The following ANKS1B variants were observed in gnomAD, a reference collection of about 807,000 sequenced individuals.
The protein encoded by ANKS1B is ankyrin repeat and sterile alpha motif domain containing 1B.
ANKS1B carries 36 observed loss-of-function variants against 148.3 expected under a neutral mutation model. The ratio of observed to expected loss-of-function variants is 0.24; its 90% CI spans 0.19 to 0.32. ANKS1B has a LOEUF of 0.32. Among genes scored for constraint, ANKS1B ranks in the 10% least tolerant of loss-of-function variants. ANKS1B has a pLI of 1.00. For missense variants in ANKS1B, 1,157 were observed against 1,542.6 expected (o/e 0.75, Z 4.19); for synonymous variants, 542 against 560.8 (o/e 0.97, Z 0.47).
chr12:99,380,806 T>TTCCTTCCTTC (rs2093614871), intron 12 of ANKS1B, among the ~76,000 whole-genome samples: 1 of 147,254 alleles, frequency 6.8e-6, no homozygotes, highest in African/African-American at 2.6e-5. Flanking sequence ...CCTTCCTTTC[T>TTCCTTCCTTC]CATGCTCCAC....
At chr12:98,939,451 A>AT (rs56217727) in intron 17 of ANKS1B, among the ~76,000 whole-genome samples, 1 of 152,258 alleles carries the variant, frequency 6.6e-6, no homozygotes, top group African/African-American at 2.4e-5. Context: ...ATTGCGGTTA[A>AT]TTTTTTTAAG....
At position 98,745,865 on chromosome 12, in the gene ANKS1B, G is replaced by GCAT; in HGVS notation, c.3748-17_3748-16insATG. ...GGTCGATCTGCTTTAAAACAGAAAG[G>GCAT]CTGATGCCTGTTATACGGTCGCCGC... On this transcript the variant is annotated splice_polypyrimidine_tract_variant and intron_variant, in intron 26 of 26. Coordinates refer to ENST00000683438, the MANE Select transcript of ANKS1B (RefSeq NM_001352186.2). 2.5e-6 allele frequency: 4 copies of GCAT among 1,609,388 alleles called. No homozygotes were observed. Among genetic ancestry groups the GCAT allele is most frequent in the Non-Finnish European group, 3.4e-6 (4 of 1,177,960 alleles).
At chr12:99,656,066 C>T (rs2098448409) in intron 8 of ANKS1B, among the ~76,000 whole-genome samples, 1 of 152,042 alleles carries the variant, frequency 6.6e-6, no homozygotes, top group African/African-American at 2.4e-5. Flanking sequence ...TAAATCTTTA[C>T]CACTGGCAAG....
chr12:99,187,876 C>CA (rs1039906800), intron 14 of ANKS1B, among the ~76,000 whole-genome samples: 13 of 152,176 alleles, frequency 8.5e-5, no homozygotes, highest in African/African-American at 2.9e-4. Context: ...CTAAATGACC[C>CA]AATTAAAAGA....
At chr12:99,596,792 G>C (rs915088509) in intron 9 of ANKS1B, among the ~76,000 whole-genome samples, 1 of 151,834 alleles carries the variant, frequency 6.6e-6, no homozygotes, top group Non-Finnish European at 1.5e-5. Context: ...TACTCATGTA[G>C]GTCTTTAATT....
At position 99,815,905 on chromosome 12, in the gene ANKS1B, G is replaced by A. The variant is rs75935951; in HGVS notation, c.216-3594C>T. Among the ~76,000 whole-genome samples, 408 of 151,860 alleles carry A rather than the reference G, an allele frequency of 2.7e-3. 1 individual carries two copies. Among genetic ancestry groups the A allele is most frequent in the African/African-American group, 8.8e-3 (365 of 41,486 alleles). On this transcript the variant is annotated intron_variant, in intron 2 of 26. Transcript: ENST00000683438. ...TATCCACTCATTGGCACTTAGGTTGGTTCCATATCCTTGCAAATGCAAATT... is the reference window on the plus strand; with the variant it reads ...TATCCACTCATTGGCACTTAGGTTGATTCCATATCCTTGCAAATGCAAATT...
intron 16 of ANKS1B, among the ~76,000 whole-genome samples, chr12:99,075,103 T>C (rs866220823): frequency 7.9e-5 from 12 of 152,206 alleles, no homozygotes; most frequent in Non-Finnish European, 1.5e-4. Context: ...ATGATGTTTC[T>C]GGCACAGAAT....
chr12:99,176,822 G>A (rs2087745), intron 14 of ANKS1B, among the ~76,000 whole-genome samples: 44,491 of 151,776 alleles, frequency 0.29, 7,968 homozygotes, highest in East Asian at 0.52. Context: ...ATCAATAAAG[G>A]CTCCCTGAGA....
chr12:99,894,483 T>A (rs1461671988), intron 1 of ANKS1B, among the ~76,000 whole-genome samples: 1 of 131,466 alleles, frequency 7.6e-6, no homozygotes, highest in Admixed American at 9.1e-5. Flanking sequence ...CACTCCAGCC[T>A]GAGCAACAGA....
intron 15 of ANKS1B, among the ~76,000 whole-genome samples, chr12:99,146,559 C>T (rs372287056): frequency 6.6e-6 from 1 of 152,096 alleles, no homozygotes; most frequent in Non-Finnish European, 1.5e-5. Flanking sequence ...ATACTCTAGT[C>T]GGCTTGGTTA....
intron 22 of ANKS1B, among the ~76,000 whole-genome samples, chr12:98,788,973 G>A (rs943862480): frequency 1.8e-4 from 28 of 152,294 alleles, no homozygotes; most frequent in African/African-American, 6.3e-4. Context: ...GTTTCTCAGG[G>A]ACTGTGAATG....
rs532919962 is a variant in ANKS1B at position 99,657,558 on chromosome 12, A to C, written c.1129-2348T>G. Reference sequence around the variant, plus strand: ...ACACACTTCTCAAATCAATAATAGAAGGTGATTATCACAGGGATTTTTGAC... The same window carrying C: ...ACACACTTCTCAAATCAATAATAGACGGTGATTATCACAGGGATTTTTGAC... On this transcript the variant is annotated intron_variant, in intron 8 of 26. Transcript: ENST00000683438. Among the ~76,000 whole-genome samples the C allele has an allele frequency of 3.3e-5, 5 of 151,982 alleles. No individual in the cohort carries two copies. In the East Asian group the frequency reaches 9.7e-4, roughly 29 times the overall value.
intron 12 of ANKS1B, among the ~76,000 whole-genome samples, chr12:99,305,529 A>G (rs1274670304): frequency 1.3e-5 from 2 of 152,114 alleles, no homozygotes; most frequent in African/African-American, 4.8e-5. Flanking sequence ...GGTTCTTTAC[A>G]GTTACAAGGA....
chr12:99,749,293 C>T (rs1000727172), intron 8 of ANKS1B, among the ~76,000 whole-genome samples: 7 of 152,126 alleles, frequency 4.6e-5, no homozygotes, highest in East Asian at 3.9e-4. Context: ...GGGAAAGAAG[C>T]GCTTTTGGCC....
intron 12 of ANKS1B, among the ~76,000 whole-genome samples, chr12:99,283,912 A>G (rs2078788272): frequency 1.3e-5 from 2 of 152,196 alleles, no homozygotes; most frequent in Admixed American, 1.3e-4. Context: ...TTACCACTGA[A>G]TACTTATTGA....
intron 17 of ANKS1B, among the ~76,000 whole-genome samples, chr12:98,903,298 T>C (rs2099774659): frequency 6.6e-6 from 1 of 152,110 alleles, no homozygotes; most frequent in Non-Finnish European, 1.5e-5. Flanking sequence ...CACTTAGCTA[T>C]GAAATCCTAG....
intron 9 of ANKS1B, among the ~76,000 whole-genome samples, chr12:99,586,794 A>G (rs1476216176): frequency 2.6e-5 from 4 of 152,152 alleles, no homozygotes; most frequent in Non-Finnish European, 5.9e-5. Context: ...GCAGGCAAAG[A>G]GTATGTGCGG....
chr12:98,987,762 T>C (rs183298208), intron 17 of ANKS1B, among the ~76,000 whole-genome samples: 1 of 152,220 alleles, frequency 6.6e-6, no homozygotes, highest in Admixed American at 6.5e-5. Flanking sequence ...AGAACTAAAG[T>C]TGTAAAAAGA....
chr12:98,741,081 G>A (rs1312909077), downstream of ANKS1B, among the ~76,000 whole-genome samples: 1 of 152,148 alleles, frequency 6.6e-6, no homozygotes, highest in Non-Finnish European at 1.5e-5. Context: ...CATGTTACAT[G>A]AGGGAAAATT....
Sources: allele counts gnomAD v4.1 joint callset (sites outside exome capture counted in the v4.1 genomes callset), GRCh38; gene constraint gnomAD v4.1.1; transcripts MANE v1.5; gene names NCBI Gene and HGNC (gene_info 2026-07-23, HGNC 2026-07-21).